WWC2: variants seen among roughly 807,000 people sequenced by gnomAD.
WWC2 encodes protein WWC2.
WWC2 carries 101 observed loss-of-function variants against 138.5 expected under a neutral mutation model. That is an observed-to-expected ratio of 0.73 (90% confidence interval 0.62 to 0.86). The LOEUF is 0.86. Among genes scored for constraint, WWC2 ranks in the 40% least tolerant of loss-of-function variants. The pLI is 0.00. For missense variants in WWC2, 1,420 were observed against 1,419.4 expected (o/e 1.00, Z -0.01); for synonymous variants, 558 against 538.4 (o/e 1.04, Z -0.50).
chr4:183,107,648 AAGTT>A (rs1192928659), intron 1 of WWC2, among the ~76,000 whole-genome samples: 1 of 152,112 alleles, frequency 6.6e-6, no homozygotes, highest in Non-Finnish European at 1.5e-5. Context: ...GATCAATAAA[AAGTT>A]AGGTAAGAGA....
chr4:183,140,900 A>G (rs1315353547), intron 1 of WWC2, among the ~76,000 whole-genome samples: 6 of 152,218 alleles, frequency 3.9e-5, no homozygotes, highest in Non-Finnish European at 4.4e-5. Flanking sequence ...CTTAATAACT[A>G]TGTAACCTCT....
At chr4:183,315,052 T>C (rs1364095979) in intron 22 of WWC2, among the ~76,000 whole-genome samples, 1 of 152,196 alleles carries the variant, frequency 6.6e-6, no homozygotes, top group Non-Finnish European at 1.5e-5. Flanking sequence ...CCATGTACAG[T>C]GTGAAGTTCT....
At chr4:183,283,982 C>T (rs930314014) in intron 18 of WWC2, among the ~76,000 whole-genome samples, 1 of 152,174 alleles carries the variant, frequency 6.6e-6, no homozygotes, top group African/African-American at 2.4e-5. Context: ...ATCACACGGC[C>T]TGCTGTGCAG....
rs1490534315 is a variant in WWC2 at position 183,261,619 on chromosome 4, G to C, written c.1909+87G>C. On this transcript the variant is annotated intron_variant, in intron 11 of 22. Coordinates refer to ENST00000403733, the MANE Select transcript of WWC2 (RefSeq NM_024949.6). ...GCATTATTTTTCCATATAAACAAAG[G>C]GTATGATTCCCCTTCTCTTTCTTTT... 1.1e-5 allele frequency: 16 copies of C among 1,399,392 alleles called. No homozygotes were observed. The East Asian group carries it at 3.9e-4, about 35-fold the overall frequency. The allele number at this position is 1,399,392 out of a possible 1,614,324, so 86.7% of individuals were successfully genotyped here. A position where few individuals can be genotyped will look rare whatever the true frequency, so the allele number is the denominator to read the frequency against.
intron 22 of WWC2, among the ~76,000 whole-genome samples, chr4:183,313,359 G>C (rs1739328477): frequency 6.6e-6 from 1 of 152,128 alleles, no homozygotes; most frequent in African/African-American, 2.4e-5. Flanking sequence ...GATATCAGAG[G>C]CATTGTGGAG....
At chr4:183,239,335 C>T (rs112139889) in intron 4 of WWC2, among the ~76,000 whole-genome samples, 1 of 151,720 alleles carries the variant, frequency 6.6e-6, no homozygotes, top group Admixed American at 6.6e-5. Flanking sequence ...AAACAAACAA[C>T]AGAAAAAAAC....
intron 1 of WWC2, among the ~76,000 whole-genome samples, chr4:183,173,493 A>AC (rs1265841265): frequency 6.6e-6 from 1 of 152,082 alleles, no homozygotes; most frequent in Non-Finnish European, 1.5e-5. Context: ...TTAGGGGACT[A>AC]GTATTCTTAG....
chr4:183,164,962 A>G (rs1159063631), intron 1 of WWC2, among the ~76,000 whole-genome samples: 1 of 152,188 alleles, frequency 6.6e-6, no homozygotes, highest in Non-Finnish European at 1.5e-5. Flanking sequence ...TAATAGTAAT[A>G]AGTACTGCTG....
At chr4:183,237,401 T>C (rs1189505087) in intron 4 of WWC2, among the ~76,000 whole-genome samples, 1 of 152,204 alleles carries the variant, frequency 6.6e-6, no homozygotes, top group African/African-American at 2.4e-5. Flanking sequence ...AGCTACTGAT[T>C]GCTGTGGCTC....
At chr4:183,154,328 A>G (rs1733734985) in intron 1 of WWC2, among the ~76,000 whole-genome samples, 1 of 152,168 alleles carries the variant, frequency 6.6e-6, no homozygotes, top group South Asian at 2.1e-4. Context: ...CCTTAAGTCA[A>G]AGGCTTATTA....
At chr4:183,312,796 A>C (rs976195756) in intron 22 of WWC2, among the ~76,000 whole-genome samples, 15 of 152,192 alleles carry the variant, frequency 9.9e-5, no homozygotes, top group African/African-American at 3.6e-4. Flanking sequence ...CTCATTTTAC[A>C]GACATTCCTT....
In WWC2 at chr4:183,281,263, A is replaced by G. The variant is rs1408452057; in HGVS notation, c.2684+366A>G. The G allele has an allele frequency of 2.3e-5, 7 of 298,318 alleles. No homozygotes were observed. The South Asian group carries it at 7.0e-4, about 30-fold the overall frequency. 18.5% of individuals were successfully genotyped at this position (298,318 alleles called of 1,614,324 possible). A position where few individuals can be genotyped will look rare whatever the true frequency, so the allele number is the denominator to read the frequency against. On this transcript the variant is annotated intron_variant, in intron 17 of 22. Transcript: ENST00000403733. ...TTTCTTTTAACTACCTGGAAGTACC[A>G]TTTAGGCTCTAGTAAGACAAAGCAG...
At chr4:183,243,736 ACT>A (rs1736683183) in intron 5 of WWC2, among the ~76,000 whole-genome samples, 1 of 115,212 alleles carries the variant, frequency 8.7e-6, no homozygotes, top group Non-Finnish European at 1.8e-5. Context: ...CATTCTAAAC[ACT>A]GTGTGTGTGT....
chr4:183,185,941 A>G (rs1275630459), intron 1 of WWC2, among the ~76,000 whole-genome samples: 5 of 148,814 alleles, frequency 3.4e-5, no homozygotes, highest in Non-Finnish European at 7.4e-5. Flanking sequence ...GACCTTTAAC[A>G]TAGATTTTTT....
At chr4:183,307,719 C>T (rs997722435) in intron 21 of WWC2, among the ~76,000 whole-genome samples, 6 of 152,148 alleles carry the variant, frequency 3.9e-5, no homozygotes, top group Non-Finnish European at 7.4e-5. Flanking sequence ...TAAAAGGGAC[C>T]TTAAAGAACA....
intron 19 of WWC2, 92 bp downstream of exon 19, chr4:183,284,482 T>C: frequency 5.6e-6 from 8 of 1,420,882 alleles, no homozygotes; most frequent in Non-Finnish European, 6.6e-6. Flanking sequence ...GACTGTGCAC[T>C]GGGAGTCCAC....
intron 1 of WWC2, among the ~76,000 whole-genome samples, chr4:183,150,715 T>G (rs1733613850): frequency 6.6e-6 from 1 of 152,148 alleles, no homozygotes; most frequent in Non-Finnish European, 1.5e-5. Context: ...GTGTGTGATG[T>G]TCCCTGCCCT....
chr4:183,202,306 G>A (rs964306203), intron 2 of WWC2, among the ~76,000 whole-genome samples: 1 of 152,078 alleles, frequency 6.6e-6, no homozygotes, highest in African/African-American at 2.4e-5. Context: ...TGGGCTCATG[G>A]GAGTCATTTG....
At chr4:183,237,265 T>C (rs1736457040) in intron 4 of WWC2, among the ~76,000 whole-genome samples, 1 of 152,096 alleles carries the variant, frequency 6.6e-6, no homozygotes, top group African/African-American at 2.4e-5. Flanking sequence ...AGGTTTCAGC[T>C]CAGATATTTG....
Sources: allele counts gnomAD v4.1 joint callset (sites outside exome capture counted in the v4.1 genomes callset), GRCh38; gene constraint gnomAD v4.1.1; transcripts MANE v1.5; gene names NCBI Gene and HGNC (gene_info 2026-07-23, HGNC 2026-07-21).